The following PPP3CA variants were observed in gnomAD, a reference collection of about 807,000 sequenced individuals.
The protein encoded by PPP3CA is protein phosphatase 3 catalytic subunit alpha.
PPP3CA carries 14 observed loss-of-function variants against 66.5 expected under a neutral mutation model. The ratio of observed to expected loss-of-function variants is 0.21; its 90% CI spans 0.14 to 0.33. The LOEUF is 0.33. PPP3CA is among the 10% of genes least tolerant of loss of function. The pLI, the probability that PPP3CA is intolerant of heterozygous loss-of-function variation, is 1.00. For synonymous variants in PPP3CA, 232 were observed against 226.2 expected, an observed-to-expected ratio of 1.03 and a Z score of -0.23; for missense variants, 317 against 639.5, an observed-to-expected ratio of 0.50 and a Z score of 5.44.
At chr4:101,222,658 A>G (rs1725662476) in intron 1 of PPP3CA, among the ~76,000 whole-genome samples, 1 of 151,670 alleles carries the variant, frequency 6.6e-6, no homozygotes, top group African/African-American at 2.4e-5. Flanking sequence ...GATTCATTGC[A>G]CTGATGAAAA....
At chr4:101,325,942 C>T (rs997291604) in intron 1 of PPP3CA, among the ~76,000 whole-genome samples, 1 of 152,114 alleles carries the variant, frequency 6.6e-6, no homozygotes, top group Non-Finnish European at 1.5e-5. Context: ...AGTTCGAGAC[C>T]AGCCTGACCA....
At chr4:101,154,419 T>C (rs965275822) in intron 2 of PPP3CA, among the ~76,000 whole-genome samples, 3 of 152,182 alleles carry the variant, frequency 2.0e-5, no homozygotes, top group African/African-American at 4.8e-5. Flanking sequence ...CGTGATTTAC[T>C]CTGTACAAGA....
At chr4:101,203,218 CG>C (rs1406474405) in intron 1 of PPP3CA, among the ~76,000 whole-genome samples, 3 of 152,056 alleles carry the variant, frequency 2.0e-5, no homozygotes, top group African/African-American at 4.8e-5. Flanking sequence ...ATTCCTCAGC[CG>C]GGTGCGGTGG....
chr4:101,221,028 A>G (rs1725608329), intron 1 of PPP3CA, among the ~76,000 whole-genome samples: 1 of 151,770 alleles, frequency 6.6e-6, no homozygotes, highest in Admixed American at 6.6e-5. Flanking sequence ...ATGTCAAAGT[A>G]GAGTTGAACA....
At chr4:101,164,562 G>GTTTTTTT (rs36078367) in intron 2 of PPP3CA, among the ~76,000 whole-genome samples, 17,153 of 141,894 alleles carry the variant, frequency 0.12, 1,479 homozygotes, top group East Asian at 0.28. Flanking sequence ...TGGGATTTAA[G>GTTTTTTT]TTTTTTTTTT....
At chr4:101,225,971 T>G (rs1347490077) in intron 1 of PPP3CA, among the ~76,000 whole-genome samples, 1 of 151,736 alleles carries the variant, frequency 6.6e-6, no homozygotes, top group African/African-American at 2.4e-5. Flanking sequence ...TTCCTTTTAA[T>G]AGAAAATAGT....
At chr4:101,209,696 A>G (rs1469139325) in intron 1 of PPP3CA, among the ~76,000 whole-genome samples, 5 of 152,218 alleles carry the variant, frequency 3.3e-5, no homozygotes, top group African/African-American at 4.8e-5. Context: ...AAGATAGCCT[A>G]TGTACTGGCC....
intron 2 of PPP3CA, among the ~76,000 whole-genome samples, chr4:101,172,125 C>T (rs1374257985): frequency 6.6e-6 from 1 of 152,114 alleles, no homozygotes; most frequent in Non-Finnish European, 1.5e-5. Context: ...CAGAGTACCG[C>T]TTGACTCTCT....
At chr4:101,286,652 A>C (rs1027351350) in intron 1 of PPP3CA, among the ~76,000 whole-genome samples, 12 of 152,384 alleles carry the variant, frequency 7.9e-5, no homozygotes, top group African/African-American at 2.9e-4. Context: ...TAATTTCAAA[A>C]TGGAACTCAA....
In PPP3CA at chr4:101,082,088, C is replaced by T. The variant is rs1729466126; in HGVS notation, c.860+1098G>A. Among the ~76,000 whole-genome samples, 6 of 152,226 alleles carry T rather than the reference C, an allele frequency of 3.9e-5. No homozygotes were observed. The South Asian group carries it at 1.2e-3, about 32-fold the overall frequency. On this transcript the variant is annotated intron_variant, in intron 7 of 13. Transcript: ENST00000394854. ...GGTAGGTAGTGCAATCAGGATAAAT[C>T]TGCCAAAAATGGGCAGTCAGCCGAC... is the stretch of plus-strand genomic sequence containing the variant.
rs190565483 is a variant in PPP3CA at position 101,134,337 on chromosome 4, T to C, written c.260-25259A>G. Among the ~76,000 whole-genome samples, 145 of 152,186 alleles carry C rather than the reference T, an allele frequency of 9.5e-4. 1 individual carries two copies. The highest frequency in any genetic ancestry group is 3.5e-3 in the African/African-American group (145 of 41,514). On this transcript the variant is annotated intron_variant, in intron 2 of 13. Coordinates refer to ENST00000394854, the MANE Select transcript of PPP3CA (RefSeq NM_000944.5). Reference sequence around the variant, plus strand: ...AATGGAAGAAAATGTTTGCAATCTGTCCATCTGACAAAGGGCTAATATCCA... The same window carrying C: ...AATGGAAGAAAATGTTTGCAATCTGCCCATCTGACAAAGGGCTAATATCCA...
At chr4:101,234,257 A>G (rs1726055730) in intron 1 of PPP3CA, among the ~76,000 whole-genome samples, 1 of 151,836 alleles carries the variant, frequency 6.6e-6, no homozygotes, top group South Asian at 2.1e-4. Flanking sequence ...TTGGGTATAT[A>G]CAGTAATAGG....
rs5860654 is a variant in PPP3CA, at chr4:101,025,304, G to GTT, written c.*559_*560dup. On this transcript the variant is annotated 3_prime_UTR_variant, in exon 14 of 14. Transcript: ENST00000394854. ...GCAACGTTCTTTTTTTTCTTTTTCT[G>GTT]TTTTTTTTTTTTTTTAAGACTGCCT... is the stretch of plus-strand genomic sequence containing the variant. The GTT allele has an allele frequency of 0.034, 4,650 of 136,466 alleles. 98 individuals carry two copies. Among genetic ancestry groups the GTT allele is most frequent in the African/African-American group, 0.049 (1,786 of 36,586 alleles). The allele number at this position is 136,466 out of a possible 1,614,324, so 8.5% of individuals were successfully genotyped here. A position where few individuals can be genotyped will look rare whatever the true frequency, so the allele number is the denominator to read the frequency against.
chr4:101,244,863 G>C (rs1001718158), intron 1 of PPP3CA, among the ~76,000 whole-genome samples: 4 of 152,056 alleles, frequency 2.6e-5, no homozygotes, highest in South Asian at 2.1e-4. Flanking sequence ...AAAATGTTTA[G>C]AGATGCCAAA....
At chr4:101,271,170 G>T (rs1212913009) in intron 1 of PPP3CA, among the ~76,000 whole-genome samples, 2 of 151,980 alleles carry the variant, frequency 1.3e-5, no homozygotes, top group African/African-American at 2.4e-5. Flanking sequence ...TCTCTTTACA[G>T]GATTCTACAT....
intron 2 of PPP3CA, among the ~76,000 whole-genome samples, chr4:101,126,038 A>G (rs1350587969): frequency 1.3e-5 from 2 of 152,170 alleles, no homozygotes; most frequent in Non-Finnish European, 2.9e-5. Context: ...ATTTATACAC[A>G]ATATTTTTAA....
At chr4:101,065,707 A>T (rs751405588) in intron 8 of PPP3CA, among the ~76,000 whole-genome samples, 14 of 152,100 alleles carry the variant, frequency 9.2e-5, no homozygotes, top group Admixed American at 8.5e-4. Context: ...AAATGTTTGA[A>T]TTCTAGTCCT....
At chr4:101,089,831 G>A (rs960013533) in intron 6 of PPP3CA, among the ~76,000 whole-genome samples, 4 of 152,106 alleles carry the variant, frequency 2.6e-5, no homozygotes, top group Non-Finnish European at 5.9e-5. Context: ...TAGATCTTAT[G>A]GATTCTTTCC....
At chr4:101,212,860 G>A (rs6854932) in intron 1 of PPP3CA, among the ~76,000 whole-genome samples, 40 of 151,730 alleles carry the variant, frequency 2.6e-4, no homozygotes, top group African/African-American at 8.9e-4. Flanking sequence ...AATCTGGGTG[G>A]GCAGGAGCTC....
Sources: gnomAD v4.1 joint callset for allele counts (sites outside exome capture counted in the v4.1 genomes callset) on GRCh38, gnomAD v4.1.1 for gene constraint, MANE v1.5 for transcripts, NCBI Gene and HGNC (gene_info 2026-07-23, HGNC 2026-07-21) for gene names.